The following ADGRE1 variants were observed in gnomAD, a reference collection of about 807,000 sequenced individuals.
The protein encoded by ADGRE1 is EGF-like module receptor 1.
In ADGRE1, 82 loss-of-function variants were observed where a neutral mutation model predicts 102.7. The ratio of observed to expected loss-of-function variants is 0.80; its 90% confidence interval spans 0.67 to 0.96. The LOEUF (loss-of-function observed/expected upper bound fraction) is 0.96, where lower values mean the gene tolerates loss of function less well. Ranked by LOEUF, ADGRE1 falls within the 40% of genes least tolerant of loss-of-function variation. The pLI, the probability that ADGRE1 is intolerant of heterozygous loss-of-function variation, is 0.00. For synonymous variants in ADGRE1, 398 were observed against 399.6 expected (o/e 1.00, Z 0.05); for missense variants, 1,032 against 1,085.3 (o/e 0.95, Z 0.69).
intron 13 of ADGRE1, 121 bp downstream of exon 13, chr19:6,919,868 C>T (rs252566): frequency 0.76 from 706,458 of 932,430 alleles, 269,524 homozygotes; most frequent in East Asian, 0.81. Context: ...CCACAATTTC[C>T]AGCAATTCAA....
chr19:6,889,762 T>C (rs962957475), intron 1 of ADGRE1, among the ~76,000 whole-genome samples: 1 of 149,074 alleles, frequency 6.7e-6, no homozygotes, highest in African/African-American at 2.5e-5. Flanking sequence ...ATACTACAGA[T>C]ATACTGTATA....
In ADGRE1 at chr19:6,923,880, G is replaced by A. The variant is rs1034435309; in HGVS notation, c.1792-798G>A. Reference sequence around the variant, plus strand: ...AACCACTTTGTGACAATATCATAGAGAGGTGCTCATAAGATGGTGCCTGGC... The same window carrying A: ...AACCACTTTGTGACAATATCATAGAAAGGTGCTCATAAGATGGTGCCTGGC... On this transcript the variant is annotated intron_variant, in intron 14 of 20. Transcript: ENST00000312053. Among the ~76,000 whole-genome samples the A allele has an allele frequency of 2.3e-5, 3 of 129,300 alleles. No homozygotes were observed. The Admixed American group carries it at 2.4e-4, about 10-fold the overall frequency. 84.8% of individuals were successfully genotyped at this position (129,300 alleles called of 152,430 possible).
intron 17 of ADGRE1, among the ~76,000 whole-genome samples, chr19:6,933,538 G>C (rs12462676): frequency 0.53 from 79,560 of 151,536 alleles, 22,765 homozygotes; most frequent in African/African-American, 0.75. Context: ...CAGGCATGCA[G>C]CACCACGGCC....
At chr19:6,888,820 A>G (rs1033811623) in intron 1 of ADGRE1, among the ~76,000 whole-genome samples, 2 of 152,242 alleles carry the variant, frequency 1.3e-5, no homozygotes, top group African/African-American at 2.4e-5. Context: ...TAGAAGAAAT[A>G]GGTGGCCTGT....
chr19:6,893,011 AT>A (rs796743040), intron 2 of ADGRE1, among the ~76,000 whole-genome samples: 3 of 152,010 alleles, frequency 2.0e-5, no homozygotes, highest in African/African-American at 7.2e-5. Context: ...GCCTCTGGTA[AT>A]TGTCATTCTG....
chr19:6,901,766 A>G, intron 5 of ADGRE1, 109 bp from the exon 6 acceptor site: 1 of 1,130,998 alleles, frequency 8.8e-7, no homozygotes. Context: ...ATTGGGGAGC[A>G]TCAGCCCTGT....
Position 6,913,671 on chromosome 19 carries a change from G to T in ADGRE1, c.1141G>T (p.Val381Phe), listed in dbSNP as rs748108012. ...VSLKNTTESF[V>F]PVLKQISTWT... ...CTTGCAGAATACAACTGAGAGCTTT[G>T]TCCCTGTGCTTAAACAAATATCCAC... The change falls in exon 11 of 21, where the codon GTC (valine) becomes TTC (phenylalanine). Residue 381 changes from valine (V) to phenylalanine (F), a missense_variant. By Grantham distance (50) the Val-to-Phe change is conservative (BLOSUM62 -1). Coordinates refer to ENST00000312053, the MANE Select transcript of ADGRE1 (RefSeq NM_001974.5). 1 of 1,608,404 alleles carries T rather than the reference G, an allele frequency of 6.2e-7. No homozygotes were observed. The highest frequency in any genetic ancestry group is 2.2e-5 in the East Asian group (1 of 44,700).
intron 17 of ADGRE1, among the ~76,000 whole-genome samples, chr19:6,932,995 C>T (rs1322659012): frequency 1.3e-5 from 2 of 152,152 alleles, no homozygotes; most frequent in Non-Finnish European, 2.9e-5. Flanking sequence ...CCAAGGCAGG[C>T]AGATCACTTC....
rs888368836 is a variant in ADGRE1 at position 6,937,530 on chromosome 19, G to A, written c.2551-14G>A. On this transcript the variant is annotated splice_polypyrimidine_tract_variant and intron_variant, in intron 19 of 20. Transcript: ENST00000312053. ...CCATTTCCCTGCATCTGGATGATGTGTCTCCTTCTCCAGGTACGAGAAGAA... is the reference window on the plus strand; with the variant it reads ...CCATTTCCCTGCATCTGGATGATGTATCTCCTTCTCCAGGTACGAGAAGAA... 2 of 1,608,074 alleles carry A rather than the reference G, an allele frequency of 1.2e-6. No individual in the cohort carries two copies. Among genetic ancestry groups the A allele is most frequent in the African/African-American group, 2.7e-5 (2 of 73,998 alleles).
Position 6,919,588 on chromosome 19 carries a change from A to C in ADGRE1, c.1461A>C (p.Glu487Asp). ...CTTTTGTCTCCTTTGTGGGCATGGAATCGGTTTTAAATGAGCGCTTCTTCA... is the reference window on the plus strand; with the variant it reads ...CTTTTGTCTCCTTTGTGGGCATGGACTCGGTTTTAAATGAGCGCTTCTTCA... Reference protein sequence around the residue: ...GVAFVSFVGMESVLNERFFKD... With the variant: ...GVAFVSFVGMDSVLNERFFKD... Residue 487 changes from glutamate to aspartate, a missense_variant, in exon 13 of 21, where the codon GAA (glutamate) becomes GAC (aspartate). Coordinates refer to ENST00000312053, the MANE Select transcript of ADGRE1 (RefSeq NM_001974.5). 1 of 1,613,182 alleles carries C rather than the reference A, an allele frequency of 6.2e-7. No homozygotes were observed. The highest frequency in any genetic ancestry group is 8.5e-7 in the Non-Finnish European group (1 of 1,179,870).
rs201925407 is a variant in ADGRE1, at chr19:6,924,839, C to T, written c.1953C>T (p.Leu651=). The T allele has an allele frequency of 8.7e-6, 14 of 1,614,058 alleles. No homozygotes were observed. In the African/African-American group the frequency reaches 1.5e-4, roughly 17 times the overall value. Residue 651 remains leucine, a synonymous_variant, in exon 15 of 21, where the codon CTC becomes CTT. Coordinates refer to ENST00000312053, the MANE Select transcript of ADGRE1 (RefSeq NM_001974.5). ...TGTGTCTCCTCTTGGCGAAGACTCT[C>T]TTCCTCGCCGGTATACACAAGACTG... ...LCVCLLLAKT[L]FLAGIHKTDN...
rs548273248 is a variant in ADGRE1 at position 6,913,893 on chromosome 19, A to G, written c.1300+63A>G. On this transcript the variant is annotated intron_variant, in intron 11 of 20. Coordinates refer to ENST00000312053, the MANE Select transcript of ADGRE1 (RefSeq NM_001974.5). Reference sequence around the variant, plus strand: ...GATGATTTTGAAAGTTGACTTTGGCAATGGGATATTCCCTGGGTTTCCCAC... The same window carrying G: ...GATGATTTTGAAAGTTGACTTTGGCGATGGGATATTCCCTGGGTTTCCCAC... The G allele has an allele frequency of 3.6e-5, 53 of 1,485,420 alleles. No individual in the cohort carries two copies. In the African/African-American group the frequency reaches 6.8e-4, roughly 19 times the overall value. The allele number at this position is 1,485,420 out of a possible 1,614,324, so 92.0% of individuals were successfully genotyped here. A position where few individuals can be genotyped will look rare whatever the true frequency, so the allele number is the denominator to read the frequency against.
intron 8 of ADGRE1, 49 bp downstream of exon 8, chr19:6,904,231 G>C (rs767230417): frequency 6.3e-7 from 1 of 1,597,116 alleles, no homozygotes; most frequent in South Asian, 1.1e-5. Flanking sequence ...TTCTGGCTTT[G>C]GTTGGAAAAT....
chr19:6,914,784 A>G (rs907050285), intron 11 of ADGRE1, among the ~76,000 whole-genome samples: 1 of 152,180 alleles, frequency 6.6e-6, no homozygotes, highest in African/African-American at 2.4e-5. Context: ...TTGGGATTAC[A>G]GGGAGAGTTG....
chr19:6,900,087 C>A (rs1434097356), intron 5 of ADGRE1, among the ~76,000 whole-genome samples: 2 of 126,782 alleles, frequency 1.6e-5, no homozygotes, highest in African/African-American at 7.8e-5. Context: ...GAGCGAGACT[C>A]CATCTCAAAA....
chr19:6,908,661 G>A (rs761622048), intron 9 of ADGRE1, 28 bp from the exon 10 acceptor site: 3 of 1,282,892 alleles, frequency 2.3e-6, no homozygotes, highest in East Asian at 2.8e-5. Context: ...GCTCACAAAT[G>A]CTCTTTTTTT....
rs879810404 is a variant in ADGRE1 at position 6,899,679 on chromosome 19, CA to C, written c.514+2144del. The stretch of plus-strand genomic sequence containing the variant: ...TGGGCAACAGAGCAAGACTCTGTTT[CA>C]AAAAAAAAAAATACCCAACAACAAG... On this transcript the variant is annotated intron_variant, in intron 5 of 20. Coordinates refer to ENST00000312053, the MANE Select transcript of ADGRE1 (RefSeq NM_001974.5). Among the ~76,000 whole-genome samples, 456 of 137,326 alleles carry C rather than the reference CA, an allele frequency of 3.3e-3. 3 individuals carry two copies. The highest frequency in any genetic ancestry group is 6.1e-3 in the African/African-American group (229 of 37,364). 90.1% of individuals were successfully genotyped at this position (137,326 alleles called of 152,430 possible).
chr19:6,913,999 T>A (rs1167001435), intron 11 of ADGRE1, among the ~76,000 whole-genome samples, 169 bp downstream of exon 11: 1 of 152,278 alleles, frequency 6.6e-6, no homozygotes, highest in Non-Finnish European at 1.5e-5. Context: ...TTCCATTCAC[T>A]GAGTGCTTGG....
chr19:6,939,153 G>T (rs1975566878), intron 20 of ADGRE1, among the ~76,000 whole-genome samples: 1 of 152,048 alleles, frequency 6.6e-6, no homozygotes, highest in Non-Finnish European at 1.5e-5. Flanking sequence ...AGTGATTTCA[G>T]AATGAGCCAC....
Sources: gnomAD v4.1 joint callset for allele counts (sites outside exome capture counted in the v4.1 genomes callset) on GRCh38, gnomAD v4.1.1 for gene constraint, MANE v1.5 for transcripts, NCBI Gene and HGNC (gene_info 2026-07-23, HGNC 2026-07-21) for gene names.